The following THADA variants were observed in gnomAD, a reference collection of about 807,000 sequenced individuals.
THADA encodes the protein THADA armadillo repeat containing.
A neutral mutation model predicts 219.8 loss-of-function variants in THADA; 213 were observed. That is an observed-to-expected ratio of 0.97 (90% CI 0.87 to 1.09). The LOEUF (loss-of-function observed/expected upper bound fraction) is 1.09, where lower values mean the gene tolerates loss of function less well. Among genes scored for constraint, THADA ranks in the 50% least tolerant of loss-of-function variants. THADA has a pLI of 0.00. For missense variants in THADA, 2,956 were observed against 2,311.3 expected (o/e 1.28, Z -5.72); for synonymous variants, 1,018 against 828.9 (o/e 1.23, Z -3.92).
At chr2:43,251,114 CT>C (rs1452884475) in intron 36 of THADA, among the ~76,000 whole-genome samples, 3 of 152,134 alleles carry the variant, frequency 2.0e-5, no homozygotes, top group Non-Finnish European at 4.4e-5. Context: ...GGAACCCTTG[CT>C]TTCTGGTAAT....
intron 31 of THADA, among the ~76,000 whole-genome samples, chr2:43,315,909 C>T (rs1678024819): frequency 6.6e-6 from 1 of 152,234 alleles, no homozygotes; most frequent in Non-Finnish European, 1.5e-5. Context: ...GTCCAATGAA[C>T]TCCTTTGTCT....
At chr2:43,384,812 A>T (rs1343449785) in intron 29 of THADA, among the ~76,000 whole-genome samples, 1 of 152,124 alleles carries the variant, frequency 6.6e-6, no homozygotes, top group Non-Finnish European at 1.5e-5. Flanking sequence ...CAAAAAATTA[A>T]ATTAAAATAA....
intron 18 of THADA, 39 bp downstream of exon 18, chr2:43,552,165 T>C (rs1332160690): frequency 3.8e-6 from 6 of 1,585,576 alleles, no homozygotes; most frequent in African/African-American, 1.3e-5. Flanking sequence ...CAGAAATGAA[T>C]GGATTTCTGA....
rs539798216 is a variant in THADA, at chr2:43,400,457, T to TTATATATATATATATATA, written c.4059-2336_4059-2319dup. On this transcript the variant is annotated intron_variant, in intron 28 of 37. Coordinates refer to ENST00000405975, the MANE Select transcript of THADA (RefSeq NM_022065.5). Reference sequence around the variant, plus strand: ...TGGAAAGATTAGATCATAGACAAATTTATATATATATATATATATAAATAT... The same window carrying TTATATATATATATATATA: ...TGGAAAGATTAGATCATAGACAAATTTATATATATATATATATATATATATATATATATATATAAATAT... 5.0e-3 allele frequency among the ~76,000 whole-genome samples: 448 copies of TTATATATATATATATATA among 89,854 alleles called. 14 individuals are homozygous for TTATATATATATATATATA. Among genetic ancestry groups the TTATATATATATATATATA allele is most frequent in the Non-Finnish European group, 6.2e-3 (233 of 37,666 alleles). The allele number at this position is 89,854 out of a possible 152,430, so 58.9% of individuals were successfully genotyped here.
chr2:43,312,091 C>T (rs986923711), intron 31 of THADA, among the ~76,000 whole-genome samples: 26 of 151,858 alleles, frequency 1.7e-4, no homozygotes, highest in African/African-American at 6.0e-4. Flanking sequence ...TAGTGGCATG[C>T]GCCTGTGGTC....
intron 30 of THADA, among the ~76,000 whole-genome samples, chr2:43,322,325 GA>G (rs1678811439): frequency 6.6e-6 from 1 of 151,924 alleles, no homozygotes; most frequent in Non-Finnish European, 1.5e-5. Flanking sequence ...CCAACATGGT[GA>G]AACCCCATCT....
chr2:43,383,822 A>G (rs952041711), intron 29 of THADA, among the ~76,000 whole-genome samples: 9 of 152,232 alleles, frequency 5.9e-5, no homozygotes, highest in Non-Finnish European at 1.3e-4. Context: ...GTGAAAGGTC[A>G]ATCATTAAAA....
At chr2:43,231,468 C>G in intron 37 of THADA, 125 bp from the exon 38 acceptor site, 1 of 975,922 alleles carries the variant, frequency 1.0e-6, no homozygotes, top group East Asian at 2.7e-5. Context: ...AGAGGGTGCA[C>G]TCTTGCCTGT....
In THADA at chr2:43,574,319, A is replaced by C. The variant is rs751955120; in HGVS notation, c.1729+17T>G. On this transcript the variant is annotated intron_variant, in intron 11 of 37. Coordinates refer to ENST00000405975, the MANE Select transcript of THADA (RefSeq NM_022065.5). ...TCATAATTAGAAACTACTAAAACAA[A>C]AATGCATTTTTCTTACCAGTTTTAG... 12 of 1,501,454 alleles carry C rather than the reference A, an allele frequency of 8.0e-6. No individual in the cohort carries two copies. The highest frequency in any genetic ancestry group is 1.1e-5 in the Non-Finnish European group (12 of 1,126,578). The allele number at this position is 1,501,454 out of a possible 1,614,324, so 93.0% of individuals were successfully genotyped here.
chr2:43,475,286 C>T (rs751512544), intron 26 of THADA, among the ~76,000 whole-genome samples: 4 of 151,846 alleles, frequency 2.6e-5, no homozygotes, highest in African/African-American at 7.3e-5. Flanking sequence ...CATGGTGTCA[C>T]GCACGTGTAG....
At chr2:43,420,341 G>T (rs947594832) in intron 28 of THADA, among the ~76,000 whole-genome samples, 9 of 152,198 alleles carry the variant, frequency 5.9e-5, no homozygotes, top group African/African-American at 2.2e-4. Flanking sequence ...TAAGCATAAA[G>T]ACATTTTTCT....
intron 31 of THADA, among the ~76,000 whole-genome samples, chr2:43,308,779 AAAAAAG>A (rs1677163694): frequency 6.6e-6 from 1 of 150,672 alleles, no homozygotes; most frequent in South Asian, 2.1e-4. Context: ...AAAAAAAAAA[AAAAAAG>A]AATGCCAACC....
chr2:43,235,893 G>A (rs914814122), intron 36 of THADA, among the ~76,000 whole-genome samples: 7 of 151,264 alleles, frequency 4.6e-5, no homozygotes, highest in African/African-American at 1.7e-4. Flanking sequence ...TGCAAGCTCC[G>A]TCTCCCGGGT....
At chr2:43,565,924 T>G (rs886177131) in intron 15 of THADA, 1 of 152,166 alleles carries the variant, frequency 6.6e-6, no homozygotes, top group Non-Finnish European at 1.5e-5. Flanking sequence ...CCATCTCTAC[T>G]AAAAATACAA....
chr2:43,261,428 T>C (rs1670931597), intron 36 of THADA, among the ~76,000 whole-genome samples: 1 of 151,610 alleles, frequency 6.6e-6, no homozygotes, highest in East Asian at 1.9e-4. Flanking sequence ...TTCGCCATGT[T>C]GCCTGGTTTG....
At chr2:43,553,097 C>T (rs888183648) in intron 17 of THADA, among the ~76,000 whole-genome samples, 2 of 152,230 alleles carry the variant, frequency 1.3e-5, no homozygotes, top group African/African-American at 4.8e-5. Flanking sequence ...TGAATAATAG[C>T]TCACTGTATA....
At chr2:43,507,216 T>C (rs1289288643) in intron 23 of THADA, among the ~76,000 whole-genome samples, 2 of 152,312 alleles carry the variant, frequency 1.3e-5, no homozygotes, top group Admixed American at 1.3e-4. Context: ...ATTACTAAAA[T>C]GACTTCAGGG....
chr2:43,377,147 G>A (rs776780485), intron 29 of THADA, among the ~76,000 whole-genome samples: 6 of 152,196 alleles, frequency 3.9e-5, no homozygotes, highest in Non-Finnish European at 7.3e-5. Flanking sequence ...CATCTCCTCT[G>A]AGCTACCTGT....
chr2:43,326,620 C>T (rs1679369454), intron 30 of THADA, among the ~76,000 whole-genome samples: 1 of 151,930 alleles, frequency 6.6e-6, no homozygotes, highest in African/African-American at 2.4e-5. Context: ...TGTGAACTGC[C>T]AAGACTAGAA....
Sources: gnomAD v4.1 joint callset for allele counts (sites outside exome capture counted in the v4.1 genomes callset) on GRCh38, gnomAD v4.1.1 for gene constraint, MANE v1.5 for transcripts, NCBI Gene and HGNC (gene_info 2026-07-23, HGNC 2026-07-21) for gene names.